Variants in USP8 observed in about 807,000 individuals in gnomAD.
USP8 encodes ubiquitin carboxyl-terminal hydrolase 8.
A neutral mutation model predicts 130.0 loss-of-function variants in USP8; 27 were observed. The ratio of observed to expected loss-of-function variants is 0.21; its 90% confidence interval spans 0.15 to 0.29. The LOEUF is 0.29. Among genes scored for constraint, USP8 ranks in the 10% least tolerant of loss-of-function variants. The pLI, the probability that USP8 is intolerant of heterozygous loss-of-function variation, is 1.00. For missense variants in USP8, 1,029 were observed against 1,312.2 expected (o/e 0.78, Z 3.33); for synonymous variants, 392 against 444.1 (o/e 0.88, Z 1.48).
chr15:50,506,493 A>G lies in USP8; in HGVS notation c.*7405A>G, dbSNP rs957397837. On this transcript the variant is annotated 3_prime_UTR_variant, in exon 20 of 20. Transcript: ENST00000307179. The stretch of plus-strand genomic sequence containing the variant: ...TGGGAAAAAAACCGCATCAGTGGAA[A>G]AATTGTCTTCCACAAAAATCAGTCC... The G allele has an allele frequency of 5.9e-5, 9 of 152,214 alleles. No individual in the cohort carries two copies. The highest frequency in any genetic ancestry group is 5.9e-4 in the Admixed American group (9 of 15,272). The allele number at this position is 152,214 out of a possible 1,614,324, so 9.4% of individuals were successfully genotyped here.
chr15:50,492,922 A>G lies in USP8; in HGVS notation c.2447+9A>G, dbSNP rs747475371. The G allele has an allele frequency of 5.0e-6, 8 of 1,609,258 alleles. No homozygotes were observed. In the Middle Eastern group the frequency reaches 4.9e-4, roughly 99 times the overall value. On this transcript the variant is annotated intron_variant, in intron 15 of 19. Coordinates refer to ENST00000307179, the MANE Select transcript of USP8 (RefSeq NM_005154.5). ...CAGGATGATATTAACAGGTAAATAC[A>G]TGTCATACTTTTTGCATTATAATGC...
Position 50,465,516 on chromosome 15 carries a change from G to A in USP8, c.686+325G>A, listed in dbSNP as rs144646112. ...CACCCTTTTTGAAGGTTGAAGTTAC[G>A]GATTTGCCAACTTTTGATTTGGCTG... On this transcript the variant is annotated intron_variant, in intron 7 of 19. Transcript: ENST00000307179. Among the ~76,000 whole-genome samples the A allele has an allele frequency of 2.5e-4, 38 of 152,144 alleles. No homozygotes were observed. In the East Asian group the frequency reaches 4.8e-3, roughly 19 times the overall value.
chr15:50,467,262 T>C (rs547072626), intron 7 of USP8, among the ~76,000 whole-genome samples: 82 of 152,326 alleles, frequency 5.4e-4, no homozygotes, highest in African/African-American at 1.9e-3. Flanking sequence ...GTGGTCGTTA[T>C]TACTGAGTTT....
At chr15:50,461,235 G>C (rs550965850) in intron 5 of USP8, among the ~76,000 whole-genome samples, 17 of 151,812 alleles carry the variant, frequency 1.1e-4, no homozygotes, top group African/African-American at 3.4e-4. Context: ...CAGGTGACCC[G>C]CCCACTTTGG....
chr15:50,478,325 T>G (rs913067968), intron 10 of USP8, among the ~76,000 whole-genome samples: 1 of 152,212 alleles, frequency 6.6e-6, no homozygotes, highest in African/African-American at 2.4e-5. Context: ...TTTATATCCT[T>G]CATTTGGCTT....
Position 50,502,368 on chromosome 15 carries a change from A to C in USP8, c.*3280A>C, listed in dbSNP as rs373152064. The C allele has an allele frequency of 6.7e-6, 1 of 150,254 alleles. No homozygotes were observed. Among genetic ancestry groups the C allele is most frequent in the Non-Finnish European group, 1.5e-5 (1 of 67,818 alleles). 9.3% of individuals were successfully genotyped at this position (150,254 alleles called of 1,614,324 possible). ...GGGATCCTCCCACTTCGGCCTCCCA[A>C]AGTTATTTATTTTTATTTGAGACAG... On this transcript the variant is annotated 3_prime_UTR_variant, in exon 20 of 20. Transcript: ENST00000307179.
At chr15:50,467,591 C>G (rs1458569947) in intron 7 of USP8, among the ~76,000 whole-genome samples, 2 of 152,116 alleles carry the variant, frequency 1.3e-5, no homozygotes, top group African/African-American at 2.4e-5. Context: ...GGGTCTCACT[C>G]TGTGCCTGGG....
At position 50,498,954 on chromosome 15, in the gene USP8, G is replaced by A; in HGVS notation, c.3223G>A (p.Ala1075Thr). The change falls in exon 20 of 20, where the codon GCA becomes ACA. Residue 1075 changes from alanine (A) to threonine (T), a missense_variant. Transcript: ENST00000307179. ...GGHYTAYCKN[A>T]ARQRWFKFDD... is the part of the protein sequence containing the mutation. ...CCACTACACAGCCTATTGTAAAAAT[G>A]CAGCAAGACAACGGTGGTTTAAGTT... 1 of 1,613,904 alleles carries A rather than the reference G, an allele frequency of 6.2e-7. No homozygotes were observed. Among genetic ancestry groups the A allele is most frequent in the Non-Finnish European group, 8.5e-7 (1 of 1,179,852 alleles).
intron 4 of USP8, among the ~76,000 whole-genome samples, chr15:50,456,071 G>C (rs1479835134): frequency 6.6e-6 from 1 of 152,158 alleles, no homozygotes; most frequent in Non-Finnish European, 1.5e-5. Flanking sequence ...GTTACCCAGA[G>C]TTTATAGTTG....
Position 50,477,425 on chromosome 15 carries a change from G to A in USP8, c.1144G>A (p.Glu382Lys). Reference protein sequence around the residue: ...MGPLNISTPVEPVAASKSDVS... With the variant: ...MGPLNISTPVKPVAASKSDVS... ...ACCACTGAATATATCAACTCCAGTT[G>A]AACCAGTTGCTGCTTCTAAATCTGA... The change falls in exon 10 of 20, where the codon GAA becomes AAA. Residue 382 changes from glutamate to lysine, a missense_variant. Physicochemically the swap from Glu to Lys is moderately conservative, Grantham distance 56 (BLOSUM62 1). This residue lies in a region of USP8 where 486 missense variants were observed against 522.0 expected (regional missense o/e 0.93). Transcript: ENST00000307179. 6.2e-7 allele frequency: 1 copy of A among 1,614,140 alleles called. No homozygotes were observed.
intron 18 of USP8, 189 bp from the exon 19 acceptor site, chr15:50,498,407 C>T: frequency 3.0e-6 from 2 of 665,628 alleles, no homozygotes; most frequent in Non-Finnish European, 2.3e-6. Context: ...ATCCATATGC[C>T]TCAGTTTTCT....
At position 50,459,218 on chromosome 15, in the gene USP8, G is replaced by C. The variant is rs946260795; in HGVS notation, c.498+56G>C. 5 of 1,549,982 alleles carry C rather than the reference G, an allele frequency of 3.2e-6. No individual in the cohort carries two copies. The African/African-American group carries it at 6.9e-5, about 22-fold the overall frequency. On this transcript the variant is annotated intron_variant, in intron 5 of 19. Transcript: ENST00000307179. ...ACTGTTTCTGCTTGTTAGATGATTT[G>C]CTTAAAAAGAGTTGAGATACCACTA...
At chr15:50,489,912 A>G (rs760892079) in intron 13 of USP8, 31 bp downstream of exon 13, 30 of 1,490,604 alleles carry the variant, frequency 2.0e-5, no homozygotes, top group South Asian at 2.6e-5. Context: ...TAAAATAGCC[A>G]CTGTGTTCCT....
At chr15:50,469,093 C>CT (rs1363726539) in intron 7 of USP8, among the ~76,000 whole-genome samples, 1 of 152,066 alleles carries the variant, frequency 6.6e-6, no homozygotes, top group East Asian at 1.9e-4. Context: ...TGACAGTCAT[C>CT]TTTGTTATTG....
At chr15:50,463,260 A>C (rs1404321157) in intron 6 of USP8, 1 of 152,212 alleles carries the variant, frequency 6.6e-6, no homozygotes, top group Non-Finnish European at 1.5e-5. Context: ...CAAACCAGTA[A>C]TATGGAAATT....
rs937066808 is a variant in USP8 at position 50,492,681 on chromosome 15, G to A, written c.2235-20G>A. The A allele has an allele frequency of 1.2e-6, 2 of 1,608,868 alleles. No homozygotes were observed. The highest frequency in any genetic ancestry group is 8.5e-7 in the Non-Finnish European group (1 of 1,179,236). On this transcript the variant is annotated intron_variant, in intron 14 of 19. Transcript: ENST00000307179. ...TATGCTCAGCATTTTAAGACATCTT[G>A]TATCCTTTTTCTTCCTCAGGCCAAC...
intron 16 of USP8, among the ~76,000 whole-genome samples, chr15:50,494,964 G>C (rs1038891190): frequency 7.0e-4 from 105 of 150,716 alleles, no homozygotes; most frequent in East Asian, 7.8e-4. Flanking sequence ...GCAGTGAGCC[G>C]AGATTGCAGT....
rs895813090 is a variant in USP8 at position 50,499,308 on chromosome 15, A to G, written c.*220A>G. ...TTACAGGTACCATTTATTTCAAAACAACTTTTTTAGTCTGCTCCAAAGTTA... is the reference window on the plus strand; with the variant it reads ...TTACAGGTACCATTTATTTCAAAACGACTTTTTTAGTCTGCTCCAAAGTTA... On this transcript the variant is annotated 3_prime_UTR_variant, in exon 20 of 20. Coordinates refer to ENST00000307179, the MANE Select transcript of USP8 (RefSeq NM_005154.5). 4.3e-5 allele frequency: 16 copies of G among 375,726 alleles called. No homozygotes were observed. Among genetic ancestry groups the G allele is most frequent in the African/African-American group, 2.3e-4 (11 of 48,028 alleles). 23.3% of individuals were successfully genotyped at this position (375,726 alleles called of 1,614,324 possible).
chr15:50,477,525 C>A (rs1595960907), intron 10 of USP8, 26 bp downstream of exon 10: 1 of 1,584,430 alleles, frequency 6.3e-7, no homozygotes, highest in South Asian at 1.1e-5. Context: ...TAACATTATT[C>A]TCGCTTTTGT....
Sources: gnomAD v4.1 joint callset for allele counts (sites outside exome capture counted in the v4.1 genomes callset) on GRCh38, gnomAD v4.1.1 for gene constraint, gnomAD v4.1.1 regional missense constraint, MANE v1.5 for transcripts, NCBI Gene and HGNC (gene_info 2026-07-23, HGNC 2026-07-21) for gene names.